RBMS3: variants seen among roughly 807,000 people sequenced by gnomAD.
The protein encoded by RBMS3 is RNA binding motif single stranded interacting protein 3, also known as RNA-binding motif, single-stranded-interacting protein 3.
RBMS3 carries 27 observed loss-of-function variants against 66.8 expected under a neutral mutation model. That is an observed-to-expected ratio of 0.40 (90% CI 0.30 to 0.56). RBMS3 has a LOEUF of 0.56. RBMS3 is among the 20% of genes least tolerant of loss of function. RBMS3 has a pLI of 0.40. For missense variants in RBMS3, 513 were observed against 549.5 expected (o/e 0.93, Z 0.66); for synonymous variants, 188 against 183.0 (o/e 1.03, Z -0.22).
At chr3:29,483,095 C>A (rs1237155987) in intron 2 of RBMS3, among the ~76,000 whole-genome samples, 4 of 151,290 alleles carry the variant, frequency 2.6e-5, no homozygotes, top group Admixed American at 1.3e-4. Flanking sequence ...TTCCCTTAGT[C>A]GAGATCGAGA....
chr3:29,723,139 C>A (rs1330214488), intron 4 of RBMS3, among the ~76,000 whole-genome samples: 1 of 146,090 alleles, frequency 6.8e-6, no homozygotes, highest in Non-Finnish European at 1.5e-5. Flanking sequence ...CCACGCCTGG[C>A]TAATTTTTTG....
intron 1 of RBMS3, among the ~76,000 whole-genome samples, chr3:29,354,858 C>T (rs1289637082): frequency 6.6e-6 from 1 of 152,150 alleles, no homozygotes; most frequent in African/African-American, 2.4e-5. Flanking sequence ...TTATGTAGCA[C>T]TCATTCTGTG....
intron 14 of RBMS3, 44 bp from the exon 15 acceptor site, chr3:30,003,812 G>A: frequency 1.5e-6 from 2 of 1,355,328 alleles, no homozygotes; most frequent in Non-Finnish European, 1.9e-6. Context: ...TGATTTCAAA[G>A]TTACTTTAAT....
chr3:29,511,506 C>G (rs1371463792), intron 3 of RBMS3, among the ~76,000 whole-genome samples: 1 of 152,192 alleles, frequency 6.6e-6, no homozygotes, highest in Admixed American at 6.5e-5. Flanking sequence ...GTTGGTGCCT[C>G]TGTGAGTCAC....
In RBMS3 at chr3:30,001,414, G is replaced by A. The variant is rs115312423; in HGVS notation, c.1308-2442G>A. Among the ~76,000 whole-genome samples, 299 of 151,792 alleles carry A rather than the reference G, an allele frequency of 2.0e-3. 2 individuals are homozygous for A. Among genetic ancestry groups the A allele is most frequent in the African/African-American group, 6.9e-3 (285 of 41,424 alleles). On this transcript the variant is annotated intron_variant, in intron 14 of 14. Transcript: ENST00000383767. ...TATATTCACTGTGCCTTTTTTTTGA[G>A]GGTGGAGGAGTGAGGAGAGGATTCA...
chr3:29,363,997 G>T, intron 1 of RBMS3, among the ~76,000 whole-genome samples: 1 of 151,870 alleles, frequency 6.6e-6, no homozygotes, highest in East Asian at 1.9e-4. Context: ...TACCACTTGG[G>T]AATATTCATC....
chr3:29,613,925 T>C (rs2048572664), intron 4 of RBMS3, among the ~76,000 whole-genome samples: 1 of 152,156 alleles, frequency 6.6e-6, no homozygotes, highest in Non-Finnish European at 1.5e-5. Flanking sequence ...TAAAGATTTT[T>C]TGAAAAATTA....
chr3:29,989,189 T>G (rs1364242534), intron 13 of RBMS3, among the ~76,000 whole-genome samples: 1 of 152,226 alleles, frequency 6.6e-6, no homozygotes, highest in East Asian at 1.9e-4. Context: ...CAGCTTGTCC[T>G]TAATGGAAGC....
At position 29,507,482 on chromosome 3, in the gene RBMS3, T is replaced by C. The variant is rs2044225893; in HGVS notation, c.307+18983T>C. Among the ~76,000 whole-genome samples, 5 of 136,922 alleles carry C rather than the reference T, an allele frequency of 3.7e-5. No individual in the cohort carries two copies. The South Asian group carries it at 1.2e-3, about 32-fold the overall frequency. The allele number at this position is 136,922 out of a possible 152,430, so 89.8% of individuals were successfully genotyped here. On this transcript the variant is annotated intron_variant, in intron 3 of 14. Coordinates refer to ENST00000383767, the MANE Select transcript of RBMS3 (RefSeq NM_001003793.3). ...AGGCAGCATGGAAACCTAGCTATAG[T>C]ATGATATTAATTGCGAAAAAAAAAG...
At chr3:29,919,405 G>A (rs1399000624) in intron 10 of RBMS3, among the ~76,000 whole-genome samples, 2 of 152,178 alleles carry the variant, frequency 1.3e-5, no homozygotes, top group Non-Finnish European at 2.9e-5. Flanking sequence ...AGCTTTCCTG[G>A]AGGAGAAATG....
intron 1 of RBMS3, among the ~76,000 whole-genome samples, chr3:29,314,309 C>G (rs116430304): frequency 6.6e-6 from 1 of 151,738 alleles, no homozygotes; most frequent in African/African-American, 2.4e-5. Context: ...GGCAATAATA[C>G]CTTCTCATGT....
At position 29,523,079 on chromosome 3, in the gene RBMS3, A is replaced by G. The variant is rs2044929884; in HGVS notation, c.307+34580A>G. ...ACAAAAACTATTATCTCAATATTCC[A>G]GATGGGGAAACTGAAGCACAGTAAC... On this transcript the variant is annotated intron_variant, in intron 3 of 14. Coordinates refer to ENST00000383767, the MANE Select transcript of RBMS3 (RefSeq NM_001003793.3). Among the ~76,000 whole-genome samples, 3 of 152,348 alleles carry G rather than the reference A, an allele frequency of 2.0e-5. No individual in the cohort carries two copies. In the South Asian group the frequency reaches 6.2e-4, roughly 32 times the overall value.
rs568894054 is a variant in RBMS3, at chr3:29,967,438, G to A, written c.1099-20705G>A. 5.1e-4 allele frequency among the ~76,000 whole-genome samples: 78 copies of A among 152,104 alleles called. 2 individuals carry two copies. The highest frequency in any genetic ancestry group is 1.0e-3 in the Non-Finnish European group (70 of 68,008). On this transcript the variant is annotated intron_variant, in intron 12 of 14. Transcript: ENST00000383767. ...AGCCTCCTGAGTAGCTTGGAATACA[G>A]GTGTGTGTCACCATGTCCGGCTAAT...
At chr3:29,474,338 G>A (rs547166362) in intron 2 of RBMS3, among the ~76,000 whole-genome samples, 63 of 152,262 alleles carry the variant, frequency 4.1e-4, no homozygotes, top group African/African-American at 1.5e-3. Context: ...TTATTAATAA[G>A]CATTTGGGTA....
chr3:29,575,708 C>T (rs1472282086), intron 3 of RBMS3, among the ~76,000 whole-genome samples: 3 of 151,720 alleles, frequency 2.0e-5, no homozygotes, highest in African/African-American at 7.3e-5. Flanking sequence ...TTTTTTGTCC[C>T]CTCTGATTGT....
At chr3:29,908,530 G>A (rs1316211338) in intron 10 of RBMS3, among the ~76,000 whole-genome samples, 2 of 152,092 alleles carry the variant, frequency 1.3e-5, no homozygotes, top group South Asian at 2.1e-4. Context: ...TGAGCAAGTT[G>A]TAAATCAATA....
chr3:29,412,697 C>T (rs79194408), intron 1 of RBMS3, among the ~76,000 whole-genome samples: 4,785 of 152,204 alleles, frequency 0.031, 237 homozygotes, highest in African/African-American at 0.11. Context: ...GGCTGCGTGG[C>T]CTGTCCTCAA....
intron 4 of RBMS3, among the ~76,000 whole-genome samples, chr3:29,729,374 A>T (rs2054027414): frequency 6.6e-6 from 1 of 152,004 alleles, no homozygotes; most frequent in Admixed American, 6.6e-5. Context: ...CATTTTCTTA[A>T]TCCTGTCTAT....
At chr3:29,518,506 T>G (rs1438072589) in intron 3 of RBMS3, among the ~76,000 whole-genome samples, 1 of 152,204 alleles carries the variant, frequency 6.6e-6, no homozygotes, top group East Asian at 1.9e-4. Flanking sequence ...ATCTATTGTA[T>G]AGTAAAAGAA....
Sources: allele counts gnomAD v4.1 joint callset (sites outside exome capture counted in the v4.1 genomes callset), GRCh38; gene constraint gnomAD v4.1.1; transcripts MANE v1.5; gene names NCBI Gene and HGNC (gene_info 2026-07-23, HGNC 2026-07-21).